Variants in TRIM9 observed in about 807,000 individuals in gnomAD.
The protein encoded by TRIM9 is tripartite motif containing 9.
In TRIM9, 26 loss-of-function variants were observed where a neutral mutation model predicts 78.3. The observed-to-expected ratio is 0.33, with a 90% CI of 0.24 to 0.46. The LOEUF (loss-of-function observed/expected upper bound fraction) is 0.46. Ranked by LOEUF, TRIM9 falls within the 20% of genes least tolerant of loss-of-function variation. The pLI is 1.00. For missense variants in TRIM9, 787 were observed against 1,036.4 expected (o/e 0.76, Z 3.30); for synonymous variants, 398 against 416.5 (o/e 0.96, Z 0.54).
chr14:50,995,654 A>T (rs989760870), intron 7 of TRIM9, among the ~76,000 whole-genome samples: 26 of 152,330 alleles, frequency 1.7e-4, no homozygotes, highest in African/African-American at 5.3e-4. Context: ...CCTTTCTGTG[A>T]TACAGAATTT....
At chr14:51,020,107 C>A (rs1020404344) in intron 3 of TRIM9, among the ~76,000 whole-genome samples, 1 of 152,034 alleles carries the variant, frequency 6.6e-6, no homozygotes, top group Non-Finnish European at 1.5e-5. Flanking sequence ...CAAAGGGAAG[C>A]GGAAGAACAT....
At position 51,022,599 on chromosome 14, in the gene TRIM9, G is replaced by A. The variant is rs112305644; in HGVS notation, c.1041+236C>T. Among the ~76,000 whole-genome samples, 627 of 152,280 alleles carry A rather than the reference G, an allele frequency of 4.1e-3. 2 individuals carry two copies. The highest frequency in any genetic ancestry group is 0.015 in the African/African-American group (604 of 41,546). On this transcript the variant is annotated intron_variant, in intron 3 of 12. Coordinates refer to ENST00000684578, the MANE Select transcript of TRIM9 (RefSeq NM_001387360.1). ...ATTTTGATTTCTTTATTATTCCTATGTCCATTGCAGTTCCTGGCTGAGAAA... is the reference window on the plus strand; with the variant it reads ...ATTTTGATTTCTTTATTATTCCTATATCCATTGCAGTTCCTGGCTGAGAAA...
At position 50,986,099 on chromosome 14, in the gene TRIM9, T is replaced by C. The variant is rs573836134; in HGVS notation, c.1649A>G (p.Glu550Gly). 7.3e-5 allele frequency: 113 copies of C among 1,545,446 alleles called. No homozygotes were observed. In the African/African-American group the frequency reaches 1.3e-3, roughly 17 times the overall value. ...ACTCATTCTACGGAGCGGCAATCTT[T>C]CCGAAGGCACTGGAAAAGGGAGGGT... ...EQTLPFPVPS[E>G]RLPLRRMSPF... Residue 550 changes from glutamate to glycine, a missense_variant, in exon 8 of 13, where the codon GAA becomes GGA. Physicochemically the swap from Glu to Gly is moderately conservative, Grantham distance 98. Transcript: ENST00000684578.
intron 1 of TRIM9, among the ~76,000 whole-genome samples, chr14:51,034,285 G>C (rs1304832662): frequency 6.6e-6 from 1 of 152,140 alleles, no homozygotes; most frequent in Admixed American, 6.5e-5. Flanking sequence ...CCACTTCTAA[G>C]TGCTTCACAA....
chr14:51,020,085 A>G (rs2057602773), intron 3 of TRIM9, among the ~76,000 whole-genome samples: 1 of 152,214 alleles, frequency 6.6e-6, no homozygotes, highest in African/African-American at 2.4e-5. Flanking sequence ...GCAGGCCCTC[A>G]GAGAACTCAG....
intron 2 of TRIM9, among the ~76,000 whole-genome samples, chr14:51,024,137 T>C (rs2058012405): frequency 6.6e-6 from 1 of 152,176 alleles, no homozygotes. Flanking sequence ...CAGGGTAATA[T>C]TGGAGGGTGG....
chr14:50,991,319 G>T (rs2053480667), intron 7 of TRIM9, among the ~76,000 whole-genome samples: 1 of 152,106 alleles, frequency 6.6e-6, no homozygotes, highest in South Asian at 2.1e-4. Flanking sequence ...AAATTCCCTG[G>T]GATATCATGC....
chr14:51,089,648 C>T (rs576889522), intron 1 of TRIM9, among the ~76,000 whole-genome samples: 1 of 152,158 alleles, frequency 6.6e-6, no homozygotes, highest in Non-Finnish European at 1.5e-5. Context: ...AAACAGAATA[C>T]TTTTGTTTAA....
intron 7 of TRIM9, among the ~76,000 whole-genome samples, chr14:50,994,435 A>G (rs538817219): frequency 2.6e-5 from 4 of 152,320 alleles, no homozygotes; most frequent in African/African-American, 9.6e-5. Context: ...AAGGTCAGAA[A>G]GAGATTGGAA....
At chr14:51,025,454 C>G in intron 1 of TRIM9, 94 bp from the exon 2 acceptor site, 1 of 1,048,708 alleles carries the variant, frequency 9.5e-7, no homozygotes, top group Non-Finnish European at 1.4e-6. Context: ...TCAACCTCCT[C>G]AGATTCCTCT....
chr14:51,014,854 G>A (rs11623936), intron 3 of TRIM9, among the ~76,000 whole-genome samples: 29,407 of 152,110 alleles, frequency 0.19, 3,232 homozygotes, highest in Non-Finnish European at 0.25. Flanking sequence ...TTGGCATCAC[G>A]TATGCAGTGG....
chr14:51,013,303 GAT>G (rs1291359458), intron 3 of TRIM9, among the ~76,000 whole-genome samples: 1 of 151,012 alleles, frequency 6.6e-6, no homozygotes, highest in Non-Finnish European at 1.5e-5. Context: ...TTTCCCATTG[GAT>G]AGTCTTAGCA....
intron 11 of TRIM9, 99 bp from the exon 12 acceptor site, chr14:50,979,648 A>C (rs1031276675): frequency 6.2e-5 from 60 of 973,244 alleles, no homozygotes; most frequent in Non-Finnish European, 9.2e-5. Context: ...ACCTGTTTAT[A>C]ATCATCACTA....
chr14:51,013,105 T>C (rs1177843729), intron 3 of TRIM9, among the ~76,000 whole-genome samples: 1 of 152,234 alleles, frequency 6.6e-6, no homozygotes, highest in Non-Finnish European at 1.5e-5. Flanking sequence ...CCAATTCCAG[T>C]GTCCCAAAGG....
Position 51,094,948 on chromosome 14 carries a change from G to A in TRIM9, c.-9C>T. ...TCTTCCATCTCCTCCATGGGGACCG[G>A]TCTGGGAGGAGACAGCGACGGCTGC... is the stretch of plus-strand genomic sequence containing the variant. On this transcript the variant is annotated 5_prime_UTR_variant, in exon 1 of 13. Coordinates refer to ENST00000684578, the MANE Select transcript of TRIM9 (RefSeq NM_001387360.1). 1 of 1,443,320 alleles carries A rather than the reference G, an allele frequency of 6.9e-7. No individual in the cohort carries two copies. Among genetic ancestry groups the A allele is most frequent in the Non-Finnish European group, 9.1e-7 (1 of 1,095,988 alleles). The allele number at this position is 1,443,320 out of a possible 1,614,324, so 89.4% of individuals were successfully genotyped here. A position where few individuals can be genotyped will look rare whatever the true frequency, so the allele number is the denominator to read the frequency against.
intron 1 of TRIM9, among the ~76,000 whole-genome samples, chr14:51,048,876 C>T (rs532683149): frequency 6.0e-4 from 91 of 150,826 alleles, no homozygotes; most frequent in African/African-American, 2.0e-3. Context: ...CCCAGCTACT[C>T]GGGAGGCTGA....
At position 51,075,279 on chromosome 14, in the gene TRIM9, C is replaced by T. The variant is rs776672615; in HGVS notation, c.822+18839G>A. Reference sequence around the variant, plus strand: ...GTTCCTTGATGGAGCCCCACTCCCACGCCTACTCCACGTTAATGTTCTGAA... The same window carrying T: ...GTTCCTTGATGGAGCCCCACTCCCATGCCTACTCCACGTTAATGTTCTGAA... On this transcript the variant is annotated intron_variant, in intron 1 of 12. Coordinates refer to ENST00000684578, the MANE Select transcript of TRIM9 (RefSeq NM_001387360.1). Among the ~76,000 whole-genome samples the T allele has an allele frequency of 1.4e-4, 22 of 152,244 alleles. 1 individual carries two copies. The highest frequency in any genetic ancestry group is 9.8e-4 in the Admixed American group (15 of 15,282).
In TRIM9 at chr14:51,069,345, T is replaced by C. The variant is rs192999443; in HGVS notation, c.822+24773A>G. Among the ~76,000 whole-genome samples the C allele has an allele frequency of 2.0e-4, 31 of 152,290 alleles. No homozygotes were observed. In the East Asian group the frequency reaches 5.8e-3, roughly 28 times the overall value. On this transcript the variant is annotated intron_variant, in intron 1 of 12. Coordinates refer to ENST00000684578, the MANE Select transcript of TRIM9 (RefSeq NM_001387360.1). ...TTTTCCTCCTAGAGGACATTGGCAA[T>C]GTCTACAGGCAATTTTTTTTGTCAC...
At chr14:50,989,631 G>A (rs769499206) in intron 7 of TRIM9, among the ~76,000 whole-genome samples, 9 of 152,214 alleles carry the variant, frequency 5.9e-5, no homozygotes, top group East Asian at 1.9e-4. Flanking sequence ...CAGGGATCCC[G>A]TGTGGTTGCA....
Sources: allele counts gnomAD v4.1 joint callset (sites outside exome capture counted in the v4.1 genomes callset), GRCh38; gene constraint gnomAD v4.1.1; transcripts MANE v1.5; gene names NCBI Gene and HGNC (gene_info 2026-07-23, HGNC 2026-07-21).